The following SDF2 variants were observed in gnomAD, a reference collection of about 807,000 sequenced individuals.
SDF2 encodes stromal cell-derived factor 2.
Under a neutral mutation model 20.5 loss-of-function variants are expected in SDF2, and 12 were observed. The observed-to-expected ratio is 0.58, with a 90% CI of 0.37 to 0.95. The LOEUF (loss-of-function observed/expected upper bound fraction) is 0.95. SDF2 is among the 40% of genes least tolerant of loss of function. SDF2 has a pLI of 0.01. For synonymous variants in SDF2, 100 were observed against 101.0 expected (o/e 0.99, Z 0.06); for missense variants, 238 against 263.1 (o/e 0.90, Z 0.66).
At chr17:28,658,212 C>T (rs1052256281) in intron 1 of SDF2, among the ~76,000 whole-genome samples, 2 of 151,848 alleles carry the variant, frequency 1.3e-5, no homozygotes, top group African/African-American at 4.8e-5. Context: ...TTGGGATTAT[C>T]CAAAGTTCTA....
intron 2 of SDF2, among the ~76,000 whole-genome samples, chr17:28,650,916 C>A (rs545815141): frequency 1.4e-5 from 2 of 148,144 alleles, no homozygotes; most frequent in African/African-American, 5.0e-5. Flanking sequence ...GTAGCTAAGA[C>A]AACAGGCATA....
chr17:28,649,342 A>G (rs933552405), intron 2 of SDF2, 66 bp from the exon 3 acceptor site: 11 of 1,505,520 alleles, frequency 7.3e-6, no homozygotes, highest in African/African-American at 6.9e-5. Context: ...GTGGGAGGCA[A>G]TGGGAAGAAA....
chr17:28,655,480 C>T lies in SDF2; in HGVS notation c.155G>A (p.Ser52Asn). ...TACACCTGTCACTGACTGCTGCCCACTACCTGCAGTTAAGAAAAGAAAGGC... is the reference window on the plus strand; with the variant it reads ...TACACCTGTCACTGACTGCTGCCCATTACCTGCAGTTAAGAAAAGAAAGGC... ...HSHDVRYGSG[S>N]GQQSVTGVTS... is the part of the protein sequence containing the mutation. Residue 52 changes from serine to asparagine, a missense_variant, in exon 2 of 3, where the codon AGT (serine) becomes AAT (asparagine). By Grantham distance (46) the Ser-to-Asn change is conservative. Transcript: ENST00000247020. 1 of 1,586,504 alleles carries T rather than the reference C, an allele frequency of 6.3e-7. No homozygotes were observed. The highest frequency in any genetic ancestry group is 1.8e-5 in the Admixed American group (1 of 54,970).
At chr17:28,653,254 G>A (rs2071929601) in intron 2 of SDF2, among the ~76,000 whole-genome samples, 1 of 152,218 alleles carries the variant, frequency 6.6e-6, no homozygotes, top group Non-Finnish European at 1.5e-5. Flanking sequence ...CATAAAGATA[G>A]TATGTACCCC....
At chr17:28,657,047 T>C (rs527697763) in intron 1 of SDF2, among the ~76,000 whole-genome samples, 1 of 151,892 alleles carries the variant, frequency 6.6e-6, no homozygotes, top group South Asian at 2.1e-4. Context: ...GCCAATATGG[T>C]GAAACCCCGT....
intron 1 of SDF2, 95 bp downstream of exon 1, chr17:28,661,631 T>C: frequency 7.1e-7 from 1 of 1,398,686 alleles, no homozygotes; most frequent in Non-Finnish European, 9.8e-7. Context: ...AACCCCTAAC[T>C]TTCCCAGACC....
intron 1 of SDF2, among the ~76,000 whole-genome samples, chr17:28,656,779 G>A (rs2071967189): frequency 6.6e-6 from 1 of 152,190 alleles, no homozygotes; most frequent in South Asian, 2.1e-4. Flanking sequence ...CCCCTAATGT[G>A]TCTAATCACA....
At chr17:28,659,890 G>A (rs1285221449) in intron 1 of SDF2, among the ~76,000 whole-genome samples, 1 of 152,188 alleles carries the variant, frequency 6.6e-6, no homozygotes, top group African/African-American at 2.4e-5. Context: ...CAAGGCAGGC[G>A]GCTGGGAGGT....
chr17:28,659,327 G>A (rs1440042110), intron 1 of SDF2, among the ~76,000 whole-genome samples: 9 of 144,238 alleles, frequency 6.2e-5, no homozygotes, highest in South Asian at 4.4e-4. Flanking sequence ...CAGACAGGGC[G>A]GCCGGGCAGA....
Position 28,648,870 on chromosome 17 carries a change from T to C in SDF2, c.*119A>G. Reference sequence around the variant, plus strand: ...CACAGCCACTATTTTCTGTTGTATATCTTCATCTCAATGGTGACATGGCCA... The same window carrying C: ...CACAGCCACTATTTTCTGTTGTATACCTTCATCTCAATGGTGACATGGCCA... On this transcript the variant is annotated 3_prime_UTR_variant, in exon 3 of 3. Coordinates refer to ENST00000247020, the MANE Select transcript of SDF2 (RefSeq NM_006923.4). 3 of 999,826 alleles carry C rather than the reference T, an allele frequency of 3.0e-6. No individual in the cohort carries two copies. Among genetic ancestry groups the C allele is most frequent in the Non-Finnish European group, 4.5e-6 (3 of 662,366 alleles). The allele number at this position is 999,826 out of a possible 1,614,324, so 61.9% of individuals were successfully genotyped here.
chr17:28,658,707 TCCC>T (rs949224129), intron 1 of SDF2, among the ~76,000 whole-genome samples: 4 of 151,500 alleles, frequency 2.6e-5, no homozygotes, highest in African/African-American at 9.7e-5. Flanking sequence ...TCCCCACATT[TCCC>T]CCTTTTCTTT....
chr17:28,655,864 TA>T (rs1459181067), intron 1 of SDF2: 1 of 212,516 alleles, frequency 4.7e-6, no homozygotes, highest in Non-Finnish European at 9.6e-6. Flanking sequence ...TAAGCCTTTG[TA>T]AAACTGATAG....
Position 28,654,610 on chromosome 17 carries a change from G to A in SDF2, c.348+677C>T, listed in dbSNP as rs1381511842. ...GCGGGTGGATCACCTGAGGTCAGGA[G>A]TTCGAGACCAGCCTGACCAATATGG... On this transcript the variant is annotated intron_variant, in intron 2 of 2. Transcript: ENST00000247020. Among the ~76,000 whole-genome samples, 5 of 152,196 alleles carry A rather than the reference G, an allele frequency of 3.3e-5. No individual in the cohort carries two copies. The East Asian group carries it at 9.7e-4, about 29-fold the overall frequency.
chr17:28,659,209 GGGT>G (rs1475950589), intron 1 of SDF2, among the ~76,000 whole-genome samples: 5 of 139,372 alleles, frequency 3.6e-5, no homozygotes, highest in Non-Finnish European at 6.2e-5. Context: ...ATCCCAGACG[GGGT>G]GGCGGCCAGG....
At chr17:28,658,750 C>T (rs1475738588) in intron 1 of SDF2, among the ~76,000 whole-genome samples, 1 of 152,194 alleles carries the variant, frequency 6.6e-6, no homozygotes, top group Non-Finnish European at 1.5e-5. Context: ...CATCATGGCC[C>T]ATTCTCGATG....
chr17:28,655,512 CT>C, intron 1 of SDF2, 29 bp from the exon 2 acceptor site: 6 of 1,549,422 alleles, frequency 3.9e-6, no homozygotes, highest in Non-Finnish European at 4.4e-6. Context: ...AGGCAACTCT[CT>C]TTCTCTGCCA....
chr17:28,651,747 A>G (rs1217928297), intron 2 of SDF2, among the ~76,000 whole-genome samples: 1 of 152,164 alleles, frequency 6.6e-6, no homozygotes, highest in South Asian at 2.1e-4. Context: ...TTTCTATACG[A>G]TGGCAATTAA....
chr17:28,649,359 G>C, intron 2 of SDF2, 83 bp from the exon 3 acceptor site: 1 of 1,358,160 alleles, frequency 7.4e-7, no homozygotes, highest in Admixed American at 1.8e-5. Flanking sequence ...GAAAAAGAAG[G>C]CCACCTTGAA....
chr17:28,652,342 G>A (rs918442262), intron 2 of SDF2, among the ~76,000 whole-genome samples: 3 of 151,220 alleles, frequency 2.0e-5, no homozygotes, highest in Admixed American at 6.6e-5. Flanking sequence ...ACAGAGTCTC[G>A]CCCTGTCACC....
Sources: allele counts gnomAD v4.1 joint callset (sites outside exome capture counted in the v4.1 genomes callset), GRCh38; gene constraint gnomAD v4.1.1; transcripts MANE v1.5; gene names NCBI Gene and HGNC (gene_info 2026-07-23, HGNC 2026-07-21).